The following YEATS4 variants were observed in gnomAD, a reference collection of about 807,000 sequenced individuals.
YEATS4 encodes the protein YEATS domain-containing protein 4.
YEATS4 carries 17 observed loss-of-function variants against 30.1 expected under a neutral mutation model. The ratio of observed to expected loss-of-function variants is 0.56; its 90% CI spans 0.39 to 0.85. YEATS4 has a LOEUF of 0.85. YEATS4 is among the 40% of genes least tolerant of loss of function. The probability of loss-of-function intolerance (pLI) is 0.00; values close to 1 mark genes in which losing one functional copy is unlikely to be tolerated. For missense variants in YEATS4, 142 were observed against 268.3 expected (o/e 0.53, Z 3.29); for synonymous variants, 85 against 87.5 (o/e 0.97, Z 0.16).
At chr12:69,383,408 G>A (rs2603090) in intron 6 of YEATS4, among the ~76,000 whole-genome samples, 70,073 of 152,050 alleles carry the variant, frequency 0.46, 16,189 homozygotes, top group Non-Finnish European at 0.5. Flanking sequence ...AGTTAATACA[G>A]TTATAAATTA....
At chr12:69,388,282 G>A (rs1020413356) in intron 6 of YEATS4, among the ~76,000 whole-genome samples, 1 of 152,074 alleles carries the variant, frequency 6.6e-6, no homozygotes, top group Admixed American at 6.5e-5. Context: ...TGTTTTTTAT[G>A]TGCTAGATGC....
At chr12:69,417,114 A>G in the YEATS4 span, among the ~76,000 whole-genome samples, 1 of 151,580 alleles carries the variant, frequency 6.6e-6, no homozygotes, top group African/African-American at 2.4e-5. Context: ...AAAATAAAAT[A>G]AAATACTCAA....
chr12:69,416,516 CAG>C, the YEATS4 span, among the ~76,000 whole-genome samples: 1 of 152,070 alleles, frequency 6.6e-6, no homozygotes, highest in Non-Finnish European at 1.5e-5. Context: ...TATCAGTGTG[CAG>C]AGTCACTTAT....
intron 6 of YEATS4, among the ~76,000 whole-genome samples, chr12:69,388,241 T>C (rs564313923): frequency 2.7e-4 from 41 of 152,284 alleles, no homozygotes; most frequent in African/African-American, 9.4e-4. Flanking sequence ...TTTGTATTTT[T>C]AGTAGAGACA....
At chr12:69,382,021 G>A (rs1876098863) in intron 6 of YEATS4, among the ~76,000 whole-genome samples, 1 of 152,178 alleles carries the variant, frequency 6.6e-6, no homozygotes, top group Admixed American at 6.5e-5. Flanking sequence ...GGATAAGTGA[G>A]CTTGAGAGGC....
At chr12:69,382,740 G>T (rs1876128614) in intron 6 of YEATS4, among the ~76,000 whole-genome samples, 1 of 152,244 alleles carries the variant, frequency 6.6e-6, no homozygotes, top group Non-Finnish European at 1.5e-5. Context: ...AGATTTGGTA[G>T]AATGGTGGCT....
chr12:69,402,008 C>T, the YEATS4 span, among the ~76,000 whole-genome samples: 1 of 152,170 alleles, frequency 6.6e-6, no homozygotes, highest in Admixed American at 6.5e-5. Context: ...ATTCTTCAGA[C>T]GGTAAGCTTT....
chr12:69,365,165 A>C (rs73151662), intron 2 of YEATS4, among the ~76,000 whole-genome samples: 19,170 of 152,062 alleles, frequency 0.13, 1,539 homozygotes, highest in Non-Finnish European at 0.18. Context: ...AAAAAGCAAA[A>C]TAGGCCAGGT....
chr12:69,369,765 G>T (rs1353943786), intron 4 of YEATS4, among the ~76,000 whole-genome samples: 1 of 152,114 alleles, frequency 6.6e-6, no homozygotes, highest in Non-Finnish European at 1.5e-5. Flanking sequence ...GTAGAATTCT[G>T]TGCATTTCCC....
At chr12:69,409,020 G>A in the YEATS4 span, among the ~76,000 whole-genome samples, 1 of 152,118 alleles carries the variant, frequency 6.6e-6, no homozygotes, top group Non-Finnish European at 1.5e-5. Context: ...GTTTACAATC[G>A]AGATTTTAAT....
the YEATS4 span, among the ~76,000 whole-genome samples, chr12:69,403,716 A>T: frequency 6.6e-6 from 1 of 152,192 alleles, no homozygotes; most frequent in Non-Finnish European, 1.5e-5. Flanking sequence ...GAATTGCATC[A>T]TGAGGAATTC....
chr12:69,414,014 C>T, the YEATS4 span, among the ~76,000 whole-genome samples: 1 of 152,096 alleles, frequency 6.6e-6, no homozygotes, highest in Non-Finnish European at 1.5e-5. Context: ...TAATTGAATC[C>T]TGCTCTCCCA....
At position 69,362,013 on chromosome 12, in the gene YEATS4, G is replaced by GTTTTTGTTTTTTTTTGTTT. The variant is rs1555174243; in HGVS notation, c.52-770_52-769insGTTTTTTTTTGTTTTTTTT. Among the ~76,000 whole-genome samples the GTTTTTGTTTTTTTTTGTTT allele has an allele frequency of 1.6e-4, 11 of 69,054 alleles. 1 individual carries two copies. Among genetic ancestry groups the GTTTTTGTTTTTTTTTGTTT allele is most frequent in the Non-Finnish European group, 1.9e-4 (6 of 31,792 alleles). 45.3% of individuals were successfully genotyped at this position (69,054 alleles called of 152,430 possible). On this transcript the variant is annotated intron_variant, in intron 1 of 6. Coordinates refer to ENST00000247843, the MANE Select transcript of YEATS4 (RefSeq NM_006530.4). ...TTTTTAAATTGTAGGGTGTTTGGTT[G>GTTTTTGTTTTTTTTTGTTT]TTTTTTTTTTTTTTTTTTTTTGGAG...
intron 2 of YEATS4, 60 bp downstream of exon 2, chr12:69,362,967 T>G (rs1875279693): frequency 3.7e-6 from 4 of 1,078,838 alleles, no homozygotes; most frequent in Non-Finnish European, 5.1e-6. Flanking sequence ...TTGTTTTGCT[T>G]AAAGACAACC....
At chr12:69,421,739 C>T in the YEATS4 span, among the ~76,000 whole-genome samples, 2 of 152,176 alleles carry the variant, frequency 1.3e-5, no homozygotes, top group East Asian at 3.8e-4. Context: ...AACCTGGTGA[C>T]CACATGCCCC....
intron 4 of YEATS4, among the ~76,000 whole-genome samples, chr12:69,370,474 T>A (rs930745605): frequency 6.6e-6 from 1 of 152,224 alleles, no homozygotes; most frequent in African/African-American, 2.4e-5. Context: ...CTTGAACAGA[T>A]TCTTAATTAC....
chr12:69,406,725 A>G, the YEATS4 span, among the ~76,000 whole-genome samples: 1 of 152,236 alleles, frequency 6.6e-6, no homozygotes, highest in Non-Finnish European at 1.5e-5. Flanking sequence ...AAACATGATC[A>G]ACAAGAACTG....
the YEATS4 span, among the ~76,000 whole-genome samples, chr12:69,398,917 G>A: frequency 6.6e-6 from 1 of 152,002 alleles, no homozygotes; most frequent in African/African-American, 2.4e-5. Context: ...TTAAGAGGCT[G>A]AGGCAGGTGG....
chr12:69,414,700 G>C, the YEATS4 span, among the ~76,000 whole-genome samples: 2 of 152,176 alleles, frequency 1.3e-5, no homozygotes, highest in African/African-American at 4.8e-5. Flanking sequence ...CTGGAGGTAG[G>C]ACAATGCACT....
Sources: gnomAD v4.1 joint callset for allele counts (sites outside exome capture counted in the v4.1 genomes callset) on GRCh38, gnomAD v4.1.1 for gene constraint, MANE v1.5 for transcripts, NCBI Gene and HGNC (gene_info 2026-07-23, HGNC 2026-07-21) for gene names.